The following PDE4D variants were observed in gnomAD, a reference collection of about 807,000 sequenced individuals.
PDE4D encodes the protein phosphodiesterase 4D.
PDE4D carries 24 observed loss-of-function variants against 87.4 expected under a neutral mutation model. The ratio of observed to expected loss-of-function variants is 0.27; its 90% CI spans 0.20 to 0.39. The LOEUF (loss-of-function observed/expected upper bound fraction) is 0.39. Ranked by LOEUF, PDE4D falls within the 10% of genes least tolerant of loss-of-function variation. The probability of loss-of-function intolerance (pLI) is 1.00; values close to 1 mark genes in which losing one functional copy is unlikely to be tolerated. For missense variants in PDE4D, 714 were observed against 1,041.0 expected (o/e 0.69, Z 4.32); for synonymous variants, 384 against 383.2 (o/e 1.00, Z -0.02).
intron 1 of PDE4D, among the ~76,000 whole-genome samples, chr5:60,399,325 A>G (rs1302583401): frequency 6.6e-6 from 1 of 152,214 alleles, no homozygotes; most frequent in Non-Finnish European, 1.5e-5. Flanking sequence ...GGCTTAAAAG[A>G]ATAAAGATGT....
chr5:60,090,915 T>A (rs908713795), intron 2 of PDE4D, among the ~76,000 whole-genome samples: 1 of 151,894 alleles, frequency 6.6e-6, no homozygotes, highest in Non-Finnish European at 1.5e-5. Context: ...AAGAAAGTAA[T>A]CCCATTTACA....
intron 1 of PDE4D, among the ~76,000 whole-genome samples, chr5:60,311,208 G>C (rs1356027159): frequency 6.6e-6 from 1 of 152,150 alleles, no homozygotes; most frequent in East Asian, 1.9e-4. Context: ...ATTTCGTAGA[G>C]ACGGGGTTTC....
At chr5:59,205,017 C>A (rs188813899) in intron 2 of PDE4D, among the ~76,000 whole-genome samples, 23 of 152,328 alleles carry the variant, frequency 1.5e-4, no homozygotes, top group Non-Finnish European at 2.9e-4. Context: ...AATGGATGCT[C>A]ATATTCCCAT....
chr5:60,363,420 A>G (rs1760252738), intron 1 of PDE4D, among the ~76,000 whole-genome samples: 1 of 152,190 alleles, frequency 6.6e-6, no homozygotes, highest in African/African-American at 2.4e-5. Flanking sequence ...AGAGTCAAAC[A>G]GATTACAAGT....
chr5:59,604,215 T>G (rs537692916), intron 1 of PDE4D, among the ~76,000 whole-genome samples: 1 of 152,142 alleles, frequency 6.6e-6, no homozygotes, highest in Admixed American at 6.6e-5. Flanking sequence ...TTACTTAGTC[T>G]CATTTCCCAA....
intron 2 of PDE4D, among the ~76,000 whole-genome samples, chr5:60,083,412 C>A (rs535234539): frequency 6.6e-6 from 1 of 152,222 alleles, no homozygotes; most frequent in East Asian, 1.9e-4. Flanking sequence ...CAAAAACACT[C>A]AACAGTGAAA....
At chr5:59,643,004 T>C (rs1741862110) in intron 1 of PDE4D, among the ~76,000 whole-genome samples, 1 of 152,182 alleles carries the variant, frequency 6.6e-6, no homozygotes. Flanking sequence ...AAAGTCACTA[T>C]AGGGACTTCT....
At chr5:59,628,827 TAA>T (rs1182560757) in intron 1 of PDE4D, among the ~76,000 whole-genome samples, 2 of 152,190 alleles carry the variant, frequency 1.3e-5, no homozygotes, top group Non-Finnish European at 2.9e-5. Flanking sequence ...ATCCCACTAA[TAA>T]AGACATACCT....
intron 1 of PDE4D, among the ~76,000 whole-genome samples, chr5:59,668,120 G>A (rs1445211378): frequency 6.6e-6 from 1 of 152,124 alleles, no homozygotes; most frequent in African/African-American, 2.4e-5. Context: ...CTGATATTGA[G>A]GAAATATGTC....
intron 1 of PDE4D, among the ~76,000 whole-genome samples, chr5:60,390,942 T>A (rs370313478): frequency 6.6e-6 from 1 of 152,248 alleles, no homozygotes; most frequent in Admixed American, 6.5e-5. Flanking sequence ...AGAAGCCCCA[T>A]CTAAAATTTA....
intron 1 of PDE4D, among the ~76,000 whole-genome samples, chr5:60,228,316 A>G (rs1041405208): frequency 1.3e-5 from 2 of 152,126 alleles, no homozygotes; most frequent in Non-Finnish European, 2.9e-5. Context: ...TATACAGAAG[A>G]TATTTTTCAG....
chr5:59,470,855 A>G (rs752941170), intron 1 of PDE4D, among the ~76,000 whole-genome samples: 3 of 152,176 alleles, frequency 2.0e-5, no homozygotes, highest in Non-Finnish European at 4.4e-5. Flanking sequence ...GTGCTCCACT[A>G]TTAAATGAAA....
In PDE4D at chr5:58,974,180, AT is replaced by A. The variant is rs1743159041; in HGVS notation, c.*483del. 1.3e-5 allele frequency: 2 copies of A among 152,778 alleles called. No homozygotes were observed. The highest frequency in any genetic ancestry group is 4.8e-5 in the African/African-American group (2 of 41,466). 9.5% of individuals were successfully genotyped at this position (152,778 alleles called of 1,614,324 possible). On this transcript the variant is annotated 3_prime_UTR_variant, in exon 15 of 15. Transcript: ENST00000340635. ...TATCAGGAAGACTTGAAATTAGAAAATTATGCAATTTCTGTGGCTCATCCTC... is the reference window on the plus strand; with the variant it reads ...TATCAGGAAGACTTGAAATTAGAAAATATGCAATTTCTGTGGCTCATCCTC...
intron 1 of PDE4D, among the ~76,000 whole-genome samples, chr5:59,855,950 C>CA (rs1745364964): frequency 6.6e-6 from 1 of 151,924 alleles, no homozygotes; most frequent in African/African-American, 2.4e-5. Context: ...CTGGTTTGTT[C>CA]ACTAAAATAT....
chr5:59,048,558 T>C (rs1450235858), intron 5 of PDE4D, among the ~76,000 whole-genome samples: 2 of 152,230 alleles, frequency 1.3e-5, no homozygotes, highest in Middle Eastern at 3.2e-3. Context: ...GGGTCAGCTA[T>C]GTTTGTAGAG....
chr5:59,391,528 C>A (rs946535938), intron 1 of PDE4D, among the ~76,000 whole-genome samples: 7 of 152,170 alleles, frequency 4.6e-5, no homozygotes, highest in Non-Finnish European at 7.4e-5. Flanking sequence ...TCTCACTGAT[C>A]TCTCTTTCTT....
intron 1 of PDE4D, among the ~76,000 whole-genome samples, chr5:59,374,704 C>A (rs244581): frequency 0.42 from 63,177 of 151,998 alleles, 13,746 homozygotes; most frequent in South Asian, 0.55. Context: ...GTCTCCACCC[C>A]AAAACAACAG....
chr5:59,806,755 TAA>T (rs1767781579), intron 1 of PDE4D, among the ~76,000 whole-genome samples: 2 of 152,316 alleles, frequency 1.3e-5, no homozygotes, highest in African/African-American at 2.4e-5. Context: ...TGAAAATTGT[TAA>T]GAGAGTGGAT....
At chr5:59,863,860 T>C (rs1194816899) in intron 1 of PDE4D, among the ~76,000 whole-genome samples, 1 of 152,110 alleles carries the variant, frequency 6.6e-6, no homozygotes, top group Non-Finnish European at 1.5e-5. Context: ...ATCTCCATTG[T>C]TTTAAAAATA....
Sources: gnomAD v4.1 joint callset for allele counts (sites outside exome capture counted in the v4.1 genomes callset) on GRCh38, gnomAD v4.1.1 for gene constraint, MANE v1.5 for transcripts, NCBI Gene and HGNC (gene_info 2026-07-23, HGNC 2026-07-21) for gene names.